PHF8: variants seen among roughly 807,000 people sequenced by gnomAD.
PHF8 encodes the protein PHD finger protein 8.
In PHF8, 9 loss-of-function variants were observed where a neutral mutation model predicts 74.4. The observed-to-expected ratio is 0.12, with a 90% confidence interval of 0.07 to 0.21. The LOEUF (loss-of-function observed/expected upper bound fraction) is 0.21, where lower values mean the gene tolerates loss of function less well. Among genes scored for constraint, PHF8 ranks in the 10% least tolerant of loss-of-function variants. The probability of loss-of-function intolerance (pLI) is 1.00; values close to 1 mark genes in which losing one functional copy is unlikely to be tolerated. For synonymous variants in PHF8, 311 were observed against 316.6 expected (o/e 0.98, Z 0.19); for missense variants, 478 against 816.6 (o/e 0.59, Z 5.05).
At chrX:53,948,233 A>T (rs1557085758) in intron 19 of PHF8, among the ~76,000 whole-genome samples, 1 of 111,956 alleles carries the variant, frequency 8.9e-6, no homozygotes, top group African/African-American at 3.2e-5. Flanking sequence ...AATTATTACT[A>T]ACTTTGGTAA....
At chrX:54,016,264 C>T (rs924676988) in intron 6 of PHF8, among the ~76,000 whole-genome samples, 2 of 110,878 alleles carry the variant, frequency 1.8e-5, no homozygotes, top group East Asian at 2.8e-4. Flanking sequence ...GAGGCCAAGG[C>T]GGGCAGATCA....
intron 7 of PHF8, among the ~76,000 whole-genome samples, chrX:54,011,862 C>CAA (rs11397654): frequency 0.018 from 714 of 40,016 alleles, 12 homozygotes; most frequent in African/African-American, 0.05. Context: ...GATAATTTGG[C>CAA]AAAAAAAAAA....
rs2149842089 is a variant in PHF8 at position 53,995,704 on chromosome X, G to A, written c.1312C>T (p.Arg438Cys). The change falls in exon 12 of 22, where the codon CGC becomes TGC. Residue 438 changes from arginine to cysteine, a missense_variant. This residue lies in a region of PHF8 where 153 missense variants were observed against 164.8 expected (regional missense o/e 0.93). Transcript: ENST00000338154. The stretch of plus-strand genomic sequence containing the variant: ...CCCATGCTCCTTACTTCCACCAGGC[G>A]GATCTCCCTGGCCAGATCTTTAATG... ...QLIKDLAREI[R>C]LVEDIFQQNV... The A allele has an allele frequency of 3.4e-6, 4 of 1,184,679 alleles. No homozygotes were observed. Among genetic ancestry groups the A allele is most frequent in the Non-Finnish European group, 4.6e-6 (4 of 871,579 alleles).
intron 19 of PHF8, among the ~76,000 whole-genome samples, chrX:53,952,771 T>G (rs2064945836): frequency 9.4e-6 from 1 of 106,638 alleles, no homozygotes; most frequent in Admixed American, 1.0e-4. Context: ...TAGTCCCAAC[T>G]ACTCGGGAGG....
In PHF8 at chrX:53,937,744, A is replaced by G. The variant is rs2064688838; in HGVS notation, c.*1414T>C. 8.2e-6 allele frequency: 3 copies of G among 364,534 alleles called. No homozygotes were observed. The highest frequency in any genetic ancestry group is 9.6e-6 in the Non-Finnish European group (2 of 209,373). 30.0% of individuals were successfully genotyped at this position (364,534 alleles called of 1,213,427 possible). A position where few individuals can be genotyped will look rare whatever the true frequency, so the allele number is the denominator to read the frequency against. ...CCCTGTGGCCTGCATGGTAGCTATT[A>G]AATTCCCCAGAAGCATTGGGCAAGC... On this transcript the variant is annotated 3_prime_UTR_variant, in exon 22 of 22. Transcript: ENST00000338154.
chrX:54,030,760 G>C (rs1176943673), intron 2 of PHF8, among the ~76,000 whole-genome samples: 2 of 112,114 alleles, frequency 1.8e-5, no homozygotes, highest in African/African-American at 6.5e-5. Flanking sequence ...CACAGAAGCA[G>C]AGGTTTAAAG....
At chrX:54,002,404 G>T in intron 9 of PHF8, 143 bp from the exon 10 acceptor site, 1 of 547,545 alleles carries the variant, frequency 1.8e-6, no homozygotes, top group Non-Finnish European at 3.2e-6. Context: ...AGGAAACTTG[G>T]GTTCAAAGGT....
At chrX:53,967,354 G>A (rs1245514065) in intron 18 of PHF8, among the ~76,000 whole-genome samples, 2 of 107,875 alleles carry the variant, frequency 1.9e-5, no homozygotes, top group African/African-American at 6.7e-5. Context: ...CGCCCCGTCC[G>A]GGAGGGAGGT....
Position 53,937,985 on chromosome X carries a change from G to C in PHF8, c.*1173C>G, listed in dbSNP as rs1191185370. ...TCGGATGGATGGTCTGCTCCTTCAC[G>C]GATGGGCGTCTCTTCTCTTCAACTT... On this transcript the variant is annotated 3_prime_UTR_variant, in exon 22 of 22. Transcript: ENST00000338154. The C allele has an allele frequency of 8.6e-7, 1 of 1,158,706 alleles. No individual in the cohort carries two copies. Among genetic ancestry groups the C allele is most frequent in the African/African-American group, 1.8e-5 (1 of 55,039 alleles).
At chrX:53,942,687 A>G (rs2064770372) in intron 20 of PHF8, 13 of 734,172 alleles carry the variant, frequency 1.8e-5, no homozygotes, top group Non-Finnish European at 2.1e-5. Flanking sequence ...AATGTTGTAG[A>G]AGCATATAGA....
At chrX:53,985,355 C>A in intron 17 of PHF8, 128 bp from the exon 18 acceptor site, 1 of 571,914 alleles carries the variant, frequency 1.7e-6, no homozygotes, top group Non-Finnish European at 2.9e-6. Flanking sequence ...AGGGGAGAAT[C>A]ATCCAAAGTG....
At chrX:54,033,068 T>C (rs2066388825) in intron 2 of PHF8, among the ~76,000 whole-genome samples, 1 of 110,989 alleles carries the variant, frequency 9.0e-6, no homozygotes, top group African/African-American at 3.3e-5. Context: ...TAGCAGGTGG[T>C]GGATAGCACC....
intron 18 of PHF8, among the ~76,000 whole-genome samples, chrX:53,966,841 G>A (rs1316233833): frequency 2.7e-5 from 3 of 109,453 alleles, no homozygotes; most frequent in African/African-American, 6.6e-5. Context: ...GTCTCTGCCC[G>A]GCCGCCCATC....
chrX:54,034,217 G>A (rs782306006), intron 2 of PHF8, among the ~76,000 whole-genome samples: 17 of 111,152 alleles, frequency 1.5e-4, no homozygotes, highest in African/African-American at 4.2e-4. Context: ...AAGACAAACC[G>A]GAACAAATCC....
At chrX:54,025,292 T>C (rs1027277119) in intron 2 of PHF8, among the ~76,000 whole-genome samples, 6 of 111,388 alleles carry the variant, frequency 5.4e-5, no homozygotes, top group Admixed American at 9.6e-5. Context: ...CTAAGCAGCA[T>C]TGTGCTAGAG....
rs1190650271 is a variant in PHF8 at position 54,034,819 on chromosome X, G to A, written c.98+7812C>T. 1.9e-3 allele frequency among the ~76,000 whole-genome samples: 139 copies of A among 74,103 alleles called. 1 individual carries two copies. Among genetic ancestry groups the A allele is most frequent in the Non-Finnish European group, 2.5e-3 (108 of 42,513 alleles). The allele number at this position is 74,103 out of a possible 115,157, so 64.3% of individuals were successfully genotyped here. A position where few individuals can be genotyped will look rare whatever the true frequency, so the allele number is the denominator to read the frequency against. On this transcript the variant is annotated intron_variant, in intron 2 of 21. Coordinates refer to ENST00000338154, the MANE Select transcript of PHF8 (RefSeq NM_015107.3). The stretch of plus-strand genomic sequence containing the variant: ...AGCCTGGGCGACAGAGCGAGACTTC[G>A]TCTCAAAAAAAAAAAAAAAAAAAAA...
chrX:54,019,812 GAAAGA>G (rs1244073745), intron 4 of PHF8, among the ~76,000 whole-genome samples: 1 of 97,014 alleles, frequency 1.0e-5, no homozygotes, highest in Non-Finnish European at 2.1e-5. Context: ...AAAAAAGAAA[GAAAGA>G]AAAGAAGTAC....
chrX:53,964,184 G>A (rs912177586), intron 18 of PHF8, among the ~76,000 whole-genome samples: 10 of 109,764 alleles, frequency 9.1e-5, no homozygotes, highest in Non-Finnish European at 1.7e-4. Flanking sequence ...GTTGAACAAT[G>A]AGAACACATG....
chrX:53,986,298 G>A (rs2065564777), intron 16 of PHF8, among the ~76,000 whole-genome samples: 1 of 112,790 alleles, frequency 8.9e-6, no homozygotes, highest in African/African-American at 3.2e-5. Flanking sequence ...CTGGAGTGCA[G>A]TGGCACGATC....
Sources: allele counts gnomAD v4.1 joint callset (sites outside exome capture counted in the v4.1 genomes callset), GRCh38; gene constraint gnomAD v4.1.1; regional missense constraint gnomAD v4.1.1; transcripts MANE v1.5; gene names NCBI Gene and HGNC (gene_info 2026-07-23, HGNC 2026-07-21).